GRIN2A: variants seen among roughly 807,000 people sequenced by gnomAD.
The protein encoded by GRIN2A is glutamate ionotropic receptor NMDA type subunit 2A.
GRIN2A carries 22 observed loss-of-function variants against 113.4 expected under a neutral mutation model. The ratio of observed to expected loss-of-function variants is 0.19; its 90% CI spans 0.14 to 0.28. GRIN2A has a LOEUF of 0.28. GRIN2A is among the 10% of genes least tolerant of loss of function. The probability of loss-of-function intolerance (pLI) is 1.00; values close to 1 mark genes in which losing one functional copy is unlikely to be tolerated. For synonymous variants in GRIN2A, 827 were observed against 738.4 expected (o/e 1.12, Z -1.94); for missense variants, 1,502 against 1,887.0 (o/e 0.80, Z 3.78).
At chr16:10,079,242 A>G (rs2047935039) in intron 2 of GRIN2A, among the ~76,000 whole-genome samples, 1 of 152,228 alleles carries the variant, frequency 6.6e-6, no homozygotes, top group African/African-American at 2.4e-5. Context: ...AAAAATGGTA[A>G]TGTCACAGTA....
At chr16:9,956,631 C>T (rs2045317749) in intron 2 of GRIN2A, among the ~76,000 whole-genome samples, 1 of 152,158 alleles carries the variant, frequency 6.6e-6, no homozygotes, top group Non-Finnish European at 1.5e-5. Flanking sequence ...GCTCAAAGAG[C>T]TTATGATCCA....
chr16:10,045,081 T>C (rs936968784), intron 2 of GRIN2A, among the ~76,000 whole-genome samples: 2 of 152,184 alleles, frequency 1.3e-5, no homozygotes, highest in African/African-American at 2.4e-5. Context: ...AAATGTTTGA[T>C]GGGGAGGATC....
chr16:9,888,703 A>T (rs2043634692), intron 4 of GRIN2A, among the ~76,000 whole-genome samples: 1 of 151,936 alleles, frequency 6.6e-6, no homozygotes, highest in South Asian at 2.1e-4. Flanking sequence ...TGTCAAATAA[A>T]GCATCTCATG....
At chr16:10,141,657 T>A (rs917506189) in intron 2 of GRIN2A, among the ~76,000 whole-genome samples, 2 of 152,208 alleles carry the variant, frequency 1.3e-5, no homozygotes, top group African/African-American at 4.8e-5. Flanking sequence ...TGCCATTGGT[T>A]AAAAACAACC....
At chr16:9,906,619 A>G (rs561239803) in intron 3 of GRIN2A, among the ~76,000 whole-genome samples, 11 of 152,304 alleles carry the variant, frequency 7.2e-5, no homozygotes, top group African/African-American at 2.6e-4. Flanking sequence ...CTTAGTTTAG[A>G]TGAGTTCATT....
intron 2 of GRIN2A, chr16:10,111,681 G>C: frequency 6.4e-7 from 1 of 1,571,736 alleles, no homozygotes; most frequent in Admixed American, 1.7e-5. Flanking sequence ...CAGAGTTCCA[G>C]GCCAACGAGG....
intron 11 of GRIN2A, among the ~76,000 whole-genome samples, chr16:9,784,828 A>G (rs1012296679): frequency 8.7e-5 from 11 of 127,070 alleles, no homozygotes; most frequent in Non-Finnish European, 1.8e-4. Context: ...CAGTCAAAAG[A>G]TACATGAAAA....
chr16:10,065,396 T>C (rs1453155113), intron 2 of GRIN2A, among the ~76,000 whole-genome samples: 1 of 152,230 alleles, frequency 6.6e-6, no homozygotes, highest in Non-Finnish European at 1.5e-5. Flanking sequence ...TCTTTCTCTA[T>C]CTAGCACAAT....
intron 2 of GRIN2A, among the ~76,000 whole-genome samples, chr16:10,021,342 T>A (rs1446484730): frequency 2.6e-5 from 4 of 152,178 alleles, no homozygotes; most frequent in East Asian, 1.9e-4. Flanking sequence ...GTGAGGGGAA[T>A]CTACTATTGT....
intron 3 of GRIN2A, among the ~76,000 whole-genome samples, chr16:9,902,800 T>C (rs1460341486): frequency 2.0e-5 from 3 of 152,068 alleles, no homozygotes; most frequent in Non-Finnish European, 4.4e-5. Context: ...CATCTCTTAG[T>C]ATATGCTGTT....
At chr16:10,171,808 A>C (rs2050049380) in intron 2 of GRIN2A, among the ~76,000 whole-genome samples, 1 of 152,234 alleles carries the variant, frequency 6.6e-6, no homozygotes, top group Non-Finnish European at 1.5e-5. Flanking sequence ...ACTAATATCC[A>C]TGATGTCATT....
intron 3 of GRIN2A, among the ~76,000 whole-genome samples, chr16:9,930,997 T>C (rs1567182380): frequency 1.3e-5 from 2 of 152,210 alleles, no homozygotes; most frequent in Admixed American, 6.5e-5. Flanking sequence ...AAGAAGTCAA[T>C]CCAAAACACA....
At chr16:10,036,597 C>T (rs975011657) in intron 2 of GRIN2A, among the ~76,000 whole-genome samples, 3 of 150,860 alleles carry the variant, frequency 2.0e-5, no homozygotes, top group East Asian at 3.9e-4. Context: ...CCCGCCACAA[C>T]GCCCGGCTAA....
chr16:10,120,676 A>C (rs1414225274), intron 2 of GRIN2A, among the ~76,000 whole-genome samples: 1 of 152,096 alleles, frequency 6.6e-6, no homozygotes, highest in African/African-American at 2.4e-5. Flanking sequence ...AGGAAAACAG[A>C]TCTTCTCTCT....
At chr16:10,108,284 T>G (rs2048536239) in intron 2 of GRIN2A, among the ~76,000 whole-genome samples, 1 of 152,210 alleles carries the variant, frequency 6.6e-6, no homozygotes, top group Non-Finnish European at 1.5e-5. Context: ...GGAGAATTCC[T>G]CTTTTTGAAA....
At chr16:10,042,943 C>T (rs1231533745) in intron 2 of GRIN2A, among the ~76,000 whole-genome samples, 1 of 152,160 alleles carries the variant, frequency 6.6e-6, no homozygotes, top group East Asian at 1.9e-4. Flanking sequence ...CTTGTTGATA[C>T]CACTGGGCCA....
intron 2 of GRIN2A, among the ~76,000 whole-genome samples, chr16:10,038,180 C>T (rs1184948044): frequency 1.3e-5 from 2 of 152,200 alleles, no homozygotes; most frequent in Non-Finnish European, 2.9e-5. Flanking sequence ...ATTACAGGCA[C>T]TGCCTTCTCA....
intron 5 of GRIN2A, among the ~76,000 whole-genome samples, chr16:9,844,418 C>T (rs1040013609): frequency 2.0e-5 from 3 of 152,168 alleles, no homozygotes; most frequent in African/African-American, 7.2e-5. Context: ...TATGGAATTG[C>T]AGACCAGCTT....
At chr16:9,769,338 G>T (rs540207533) in intron 11 of GRIN2A, 51 of 190,424 alleles carry the variant, frequency 2.7e-4, no homozygotes, top group Non-Finnish European at 2.6e-4. Flanking sequence ...TATATATAGA[G>T]AGAGAGTATA....
Sources: allele counts gnomAD v4.1 joint callset (sites outside exome capture counted in the v4.1 genomes callset), GRCh38; gene constraint gnomAD v4.1.1; transcripts MANE v1.5; gene names NCBI Gene and HGNC (gene_info 2026-07-23, HGNC 2026-07-21).